The following LRRC14 variants were observed in gnomAD, a reference collection of about 807,000 sequenced individuals.
LRRC14 encodes leucine-rich repeat-containing protein 14.
Under a neutral mutation model 25.3 loss-of-function variants are expected in LRRC14, and 16 were observed. The observed-to-expected ratio is 0.63, with a 90% CI of 0.43 to 0.96. The LOEUF is 0.96. Ranked by LOEUF, LRRC14 falls within the 40% of genes least tolerant of loss-of-function variation. The pLI, the probability that LRRC14 is intolerant of heterozygous loss-of-function variation, is 0.00. For missense variants in LRRC14, 594 were observed against 660.5 expected (o/e 0.90, Z 1.10); for synonymous variants, 359 against 295.1 (o/e 1.22, Z -2.22).
At position 144,523,575 on chromosome 8, in the gene LRRC14, GCGGCAGGCCCT is replaced by G; in HGVS notation, c.*2098_*2108del. The G allele has an allele frequency of 2.6e-6, 3 of 1,152,724 alleles. No individual in the cohort carries two copies. The highest frequency in any genetic ancestry group is 3.4e-6 in the Non-Finnish European group (3 of 883,406). The allele number at this position is 1,152,724 out of a possible 1,614,324, so 71.4% of individuals were successfully genotyped here. A position where few individuals can be genotyped will look rare whatever the true frequency, so the allele number is the denominator to read the frequency against. On this transcript the variant is annotated 3_prime_UTR_variant, in exon 4 of 4. Transcript: ENST00000292524. ...CTTCCTTGACCCCAAGCTCCTTGGG[GCGGCAGGCCCT>G]TCACCCTCGCCCCCCTCCCCTTTAG...
rs1353309803 is a variant in LRRC14, at chr8:144,522,507, G to C, written c.*1029G>C. 6.7e-7 allele frequency: 1 copy of C among 1,499,362 alleles called. No homozygotes were observed. The highest frequency in any genetic ancestry group is 2.7e-5 in the East Asian group (1 of 36,460). 92.9% of individuals were successfully genotyped at this position (1,499,362 alleles called of 1,614,324 possible). The stretch of plus-strand genomic sequence containing the variant: ...TGGATCTCGTAGGCGACCGGCGGGG[G>C]CACGCGGAGTCCCGGCCCCGCCCCC... On this transcript the variant is annotated 3_prime_UTR_variant, in exon 4 of 4. Coordinates refer to ENST00000292524, the MANE Select transcript of LRRC14 (RefSeq NM_014665.4).
At position 144,521,435 on chromosome 8, in the gene LRRC14, C is replaced by T. The variant is rs766507601; in HGVS notation, c.1439C>T (p.Thr480Met). 21 of 1,607,784 alleles carry T rather than the reference C, an allele frequency of 1.3e-5. No homozygotes were observed. The highest frequency in any genetic ancestry group is 1.6e-4 in the Middle Eastern group (1 of 6,080). The part of the protein sequence containing the change: ...ASGRAHVLWT[T>M]DIYGRLAADY... ...GGCCGTGCCCATGTGCTCTGGACCA[C>T]GGACATCTACGGGCGACTGGCTGCG... Residue 480 changes from threonine to methionine, a missense_variant, in exon 4 of 4, where the codon ACG (threonine) becomes ATG (methionine). Physicochemically the swap from Thr to Met is moderately conservative, Grantham distance 81 (BLOSUM62 -1). Transcript: ENST00000292524.
In LRRC14 at chr8:144,523,964, G is replaced by T; in HGVS notation, c.*2486G>T. ...TGTATTCCCCAGCACACCCACTCCC[G>T]CAGCCCTCCAGTGTGGCTGCAGGCG... On this transcript the variant is annotated 3_prime_UTR_variant, in exon 4 of 4. Transcript: ENST00000292524. The T allele has an allele frequency of 1.1e-6, 1 of 937,782 alleles. No individual in the cohort carries two copies. Among genetic ancestry groups the T allele is most frequent in the Non-Finnish European group, 1.6e-6 (1 of 621,768 alleles). 58.1% of individuals were successfully genotyped at this position (937,782 alleles called of 1,614,324 possible).
chr8:144,522,295 T>C lies in LRRC14; in HGVS notation c.*817T>C. 1 of 857,480 alleles carries C rather than the reference T, an allele frequency of 1.2e-6. No individual in the cohort carries two copies. The highest frequency in any genetic ancestry group is 1.6e-6 in the Non-Finnish European group (1 of 615,966). The allele number at this position is 857,480 out of a possible 1,614,324, so 53.1% of individuals were successfully genotyped here. A position where few individuals can be genotyped will look rare whatever the true frequency, so the allele number is the denominator to read the frequency against. ...CTTTTCGGAAGAGCTTCAAGGGAGGTGTTGGGGCCTCCCCGGCCACCTTCC... is the reference window on the plus strand; with the variant it reads ...CTTTTCGGAAGAGCTTCAAGGGAGGCGTTGGGGCCTCCCCGGCCACCTTCC... On this transcript the variant is annotated 3_prime_UTR_variant, in exon 4 of 4. Transcript: ENST00000292524.
In LRRC14 at chr8:144,524,039, T is replaced by C; in HGVS notation, c.*2561T>C. On this transcript the variant is annotated 3_prime_UTR_variant, in exon 4 of 4. Coordinates refer to ENST00000292524, the MANE Select transcript of LRRC14 (RefSeq NM_014665.4). ...CCCAGTTGCCTGATGTCAGAGCCCC[T>C]CCACACATGAGCCTGCTCCCTACTG... 1.3e-6 allele frequency: 2 copies of C among 1,531,108 alleles called. No individual in the cohort carries two copies. The highest frequency in any genetic ancestry group is 8.9e-7 in the Non-Finnish European group (1 of 1,129,732). 94.8% of individuals were successfully genotyped at this position (1,531,108 alleles called of 1,614,324 possible). A position where few individuals can be genotyped will look rare whatever the true frequency, so the allele number is the denominator to read the frequency against.
intron 2 of LRRC14, 42 bp from the exon 3 acceptor site, chr8:144,520,196 C>T (rs370798381): frequency 2.5e-5 from 40 of 1,588,582 alleles, no homozygotes; most frequent in Admixed American, 5.1e-5. Flanking sequence ...GGGGTATGGG[C>T]GCTGCCCCTC....
chr8:144,524,640 T>C lies in LRRC14; in HGVS notation c.*3162T>C. The C allele has an allele frequency of 2.6e-6, 4 of 1,515,730 alleles. No homozygotes were observed. The highest frequency in any genetic ancestry group is 3.5e-6 in the Non-Finnish European group (4 of 1,140,424). The allele number at this position is 1,515,730 out of a possible 1,614,324, so 93.9% of individuals were successfully genotyped here. Reference sequence around the variant, plus strand: ...GGCGCGCAGGCTGTTGTTGTGCAGGTAGAGCCGGCGCAGAGCGGCGAGTGG... The same window carrying C: ...GGCGCGCAGGCTGTTGTTGTGCAGGCAGAGCCGGCGCAGAGCGGCGAGTGG... On this transcript the variant is annotated 3_prime_UTR_variant, in exon 4 of 4. Coordinates refer to ENST00000292524, the MANE Select transcript of LRRC14 (RefSeq NM_014665.4).
chr8:144,524,961 G>A lies in LRRC14; in HGVS notation c.*3483G>A, dbSNP rs1428422338. On this transcript the variant is annotated 3_prime_UTR_variant, in exon 4 of 4. Transcript: ENST00000292524. Reference sequence around the variant, plus strand: ...CAGCAGCAGCGGCAGCAGTGCGGGGGCCCTCAGGGCCATCTCCCGAGGCCC... The same window carrying A: ...CAGCAGCAGCGGCAGCAGTGCGGGGACCCTCAGGGCCATCTCCCGAGGCCC... 2 of 1,472,696 alleles carry A rather than the reference G, an allele frequency of 1.4e-6. No homozygotes were observed. Among genetic ancestry groups the A allele is most frequent in the Non-Finnish European group, 9.0e-7 (1 of 1,112,752 alleles). The allele number at this position is 1,472,696 out of a possible 1,614,324, so 91.2% of individuals were successfully genotyped here. A position where few individuals can be genotyped will look rare whatever the true frequency, so the allele number is the denominator to read the frequency against.
intron 1 of LRRC14, chr8:144,519,320 T>G: frequency 3.5e-6 from 1 of 283,338 alleles, no homozygotes; most frequent in Admixed American, 4.6e-5. Context: ...TCCTGGGCTT[T>G]ATTCAGGTTT....
Position 144,524,636 on chromosome 8 carries a change from C to G in LRRC14, c.*3158C>G, listed in dbSNP as rs144947337. ...CCAGGGCGCGCAGGCTGTTGTTGTG[C>G]AGGTAGAGCCGGCGCAGAGCGGCGA... On this transcript the variant is annotated 3_prime_UTR_variant, in exon 4 of 4. Coordinates refer to ENST00000292524, the MANE Select transcript of LRRC14 (RefSeq NM_014665.4). 6.6e-7 allele frequency: 1 copy of G among 1,516,694 alleles called. No homozygotes were observed. The highest frequency in any genetic ancestry group is 2.2e-5 in the Admixed American group (1 of 46,112). The allele number at this position is 1,516,694 out of a possible 1,614,324, so 94.0% of individuals were successfully genotyped here.
chr8:144,524,399 C>T lies in LRRC14; in HGVS notation c.*2921C>T, dbSNP rs1816269022. The T allele has an allele frequency of 6.3e-7, 1 of 1,595,226 alleles. No individual in the cohort carries two copies. On this transcript the variant is annotated 3_prime_UTR_variant, in exon 4 of 4. Transcript: ENST00000292524. ...TATTCCAGCCCTACAGGGCGAGGGG[C>T]CATAATGGAGTATCCCGCCCCTTTA...
rs1320496889 is a variant in LRRC14, at chr8:144,522,348, A to G, written c.*870A>G. On this transcript the variant is annotated 3_prime_UTR_variant, in exon 4 of 4. Transcript: ENST00000292524. ...TGCTACCCCAGGATTCCCGAGTGCA[A>G]CGTTCCCGGCTCGCGCCCCACACAC... 2 of 1,306,048 alleles carry G rather than the reference A, an allele frequency of 1.5e-6. No individual in the cohort carries two copies. The highest frequency in any genetic ancestry group is 3.1e-5 in the East Asian group (1 of 31,850). 80.9% of individuals were successfully genotyped at this position (1,306,048 alleles called of 1,614,324 possible). A position where few individuals can be genotyped will look rare whatever the true frequency, so the allele number is the denominator to read the frequency against.
In LRRC14 at chr8:144,522,067, C is replaced by T. The variant is rs1444867966; in HGVS notation, c.*589C>T. On this transcript the variant is annotated 3_prime_UTR_variant, in exon 4 of 4. Coordinates refer to ENST00000292524, the MANE Select transcript of LRRC14 (RefSeq NM_014665.4). ...TTCTGTCCACGTTGGTCACCCTTAT[C>T]CTTATCTCTGCTGTCACCCCCAACA... The T allele has an allele frequency of 1.4e-5, 3 of 213,506 alleles. No individual in the cohort carries two copies. The highest frequency in any genetic ancestry group is 1.9e-5 in the Non-Finnish European group (2 of 108,010). 13.2% of individuals were successfully genotyped at this position (213,506 alleles called of 1,614,324 possible).
rs776222160 is a variant in LRRC14 at position 144,520,473 on chromosome 8, G to A, written c.565G>A (p.Val189Met). 5.0e-6 allele frequency: 8 copies of A among 1,597,714 alleles called. No individual in the cohort carries two copies. Among genetic ancestry groups the A allele is most frequent in the East Asian group, 2.2e-5 (1 of 44,740 alleles). ...CCTGCGGGAGGCACTCCGAAGCAGC[G>A]TGGGCAGCCCGCTGCGGCTCTGCTG... Reference protein sequence around the residue: ...AFLREALRSSVGSPLRLCCRD... With the variant: ...AFLREALRSSMGSPLRLCCRD... The change falls in exon 3 of 4, where the codon GTG (valine) becomes ATG (methionine). Residue 189 changes from valine to methionine, a missense_variant. By Grantham distance (21) the Val-to-Met change is conservative. Transcript: ENST00000292524.
rs1295311722 is a variant in LRRC14, at chr8:144,522,310, G to A, written c.*832G>A. ...TCAAGGGAGGTGTTGGGGCCTCCCCGGCCACCTTCCATTGCTACCCCAGGA... is the reference window on the plus strand; with the variant it reads ...TCAAGGGAGGTGTTGGGGCCTCCCCAGCCACCTTCCATTGCTACCCCAGGA... On this transcript the variant is annotated 3_prime_UTR_variant, in exon 4 of 4. Coordinates refer to ENST00000292524, the MANE Select transcript of LRRC14 (RefSeq NM_014665.4). 5.5e-6 allele frequency: 6 copies of A among 1,083,158 alleles called. No individual in the cohort carries two copies. Among genetic ancestry groups the A allele is most frequent in the Non-Finnish European group, 7.3e-6 (6 of 820,082 alleles). The allele number at this position is 1,083,158 out of a possible 1,614,324, so 67.1% of individuals were successfully genotyped here. A position where few individuals can be genotyped will look rare whatever the true frequency, so the allele number is the denominator to read the frequency against.
Position 144,521,723 on chromosome 8 carries a change from A to G in LRRC14, c.*245A>G. 1.8e-6 allele frequency: 1 copy of G among 546,034 alleles called. No individual in the cohort carries two copies. Among genetic ancestry groups the G allele is most frequent in the Non-Finnish European group, 3.3e-6 (1 of 305,986 alleles). The allele number at this position is 546,034 out of a possible 1,614,324, so 33.8% of individuals were successfully genotyped here. A position where few individuals can be genotyped will look rare whatever the true frequency, so the allele number is the denominator to read the frequency against. ...CCCCGGGGCTGGATGTCAGGCCTCC[A>G]TTGCCCTGCTCAGTTTGGCTGCATT... is the stretch of plus-strand genomic sequence containing the variant. On this transcript the variant is annotated 3_prime_UTR_variant, in exon 4 of 4. Coordinates refer to ENST00000292524, the MANE Select transcript of LRRC14 (RefSeq NM_014665.4).
Position 144,520,913 on chromosome 8 carries a change from C to A in LRRC14, c.917C>A (p.Thr306Asn). The A allele has an allele frequency of 6.2e-7, 1 of 1,608,872 alleles. No individual in the cohort carries two copies. Among genetic ancestry groups the A allele is most frequent in the South Asian group, 1.1e-5 (1 of 91,072 alleles). The change falls in exon 4 of 4, where the codon ACC becomes AAC. Residue 306 changes from threonine to asparagine, a missense_variant and splice_region_variant. Coordinates refer to ENST00000292524, the MANE Select transcript of LRRC14 (RefSeq NM_014665.4). ...LSGRLDQLLS[T>N]LQSPLESLEL... Reference sequence around the variant, plus strand: ...TGTGACCCCTGTGTCCCCTGTAGCACCCTGCAGAGCCCCCTGGAGAGCCTG... The same window carrying A: ...TGTGACCCCTGTGTCCCCTGTAGCAACCTGCAGAGCCCCCTGGAGAGCCTG...
In LRRC14 at chr8:144,523,778, G is replaced by T; in HGVS notation, c.*2300G>T. On this transcript the variant is annotated 3_prime_UTR_variant, in exon 4 of 4. Coordinates refer to ENST00000292524, the MANE Select transcript of LRRC14 (RefSeq NM_014665.4). ...ACAAGTCCTCTCAGCCTTGCCTTTG[G>T]ATGCCCTCTCTTGGGAATGTCCCCA... is the stretch of plus-strand genomic sequence containing the variant. The T allele has an allele frequency of 2.4e-6, 1 of 411,296 alleles. No homozygotes were observed. Among genetic ancestry groups the T allele is most frequent in the Non-Finnish European group, 4.3e-6 (1 of 231,740 alleles). 25.5% of individuals were successfully genotyped at this position (411,296 alleles called of 1,614,324 possible).
chr8:144,520,271 C>T lies in LRRC14; in HGVS notation c.363C>T (p.Gly121=). Residue 121 remains glycine, a synonymous_variant, in exon 3 of 4, where the codon GGC becomes GGT. Transcript: ENST00000292524. ...KHALRVLDMT[G]LLDDGVEQDP... is the part of the protein sequence containing the mutation. The stretch of plus-strand genomic sequence containing the variant: ...CGCTGCGGGTGCTGGACATGACGGG[C>T]CTCTTGGATGATGGTGTGGAACAGG... 1 of 1,611,086 alleles carries T rather than the reference C, an allele frequency of 6.2e-7. No individual in the cohort carries two copies. The highest frequency in any genetic ancestry group is 8.5e-7 in the Non-Finnish European group (1 of 1,179,982).
Sources: allele counts gnomAD v4.1 joint callset, GRCh38; gene constraint gnomAD v4.1.1; transcripts MANE v1.5; gene names NCBI Gene and HGNC (gene_info 2026-07-23, HGNC 2026-07-21).